Variants in PAWR observed in about 807,000 individuals in gnomAD.
PAWR encodes the protein PRKC apoptosis WT1 regulator protein.
PAWR carries 23 observed loss-of-function variants against 32.0 expected under a neutral mutation model. That is an observed-to-expected ratio of 0.72 (90% confidence interval 0.52 to 1.02). The LOEUF is 1.02. Among genes scored for constraint, PAWR ranks in the 50% least tolerant of loss-of-function variants. The pLI is 0.00. For missense variants in PAWR, 457 were observed against 437.7 expected, an observed-to-expected ratio of 1.04 and a Z score of -0.39; for synonymous variants, 226 against 187.1, an observed-to-expected ratio of 1.21 and a Z score of -1.70.
At chr12:79,604,254 T>A in intron 4 of PAWR, 1 of 986,202 alleles carries the variant, frequency 1.0e-6, no homozygotes, top group Non-Finnish European at 1.2e-6. Context: ...CCCTCCACTC[T>A]TAGCTACAAA....
rs1873471482 is a variant in PAWR at position 79,589,095 on chromosome 12, T to C, written c.*3512A>G. ...AGTTATTAACAATATCATGAATAGT[T>C]ATTAAGTAAGTGCCAGCACTACATG... On this transcript the variant is annotated 3_prime_UTR_variant, in exon 7 of 7. Transcript: ENST00000328827. 1 of 151,886 alleles carries C rather than the reference T, an allele frequency of 6.6e-6. No individual in the cohort carries two copies. The allele number at this position is 151,886 out of a possible 1,614,324, so 9.4% of individuals were successfully genotyped here.
intron 2 of PAWR, among the ~76,000 whole-genome samples, chr12:79,622,786 TA>T (rs1273151943): frequency 6.6e-6 from 1 of 152,158 alleles, no homozygotes; most frequent in Non-Finnish European, 1.5e-5. Flanking sequence ...TAGCTACTGT[TA>T]TTGCTGAGTC....
chr12:79,632,296 CATATATATATACATACATAT>C lies in PAWR; in HGVS notation c.517-11109_517-11090del, dbSNP rs1353664088. ...TAGAGTCCAGAAATAGAAATATATACATATATATATACATACATATATATATATATATATATATATATATA... is the reference window on the plus strand; with the variant it reads ...TAGAGTCCAGAAATAGAAATATATACATATATATATATATATATATATATA... On this transcript the variant is annotated intron_variant, in intron 2 of 6. Transcript: ENST00000328827. The C allele has an allele frequency of 6.9e-3, 253 of 36,758 alleles. 19 individuals carry two copies. Among genetic ancestry groups the C allele is most frequent in the Non-Finnish European group, 8.6e-3 (223 of 25,954 alleles). The allele number at this position is 36,758 out of a possible 1,614,324, so 2.3% of individuals were successfully genotyped here.
chr12:79,690,032 G>T lies in PAWR; in HGVS notation c.213C>A (p.Asn71Lys). 7.5e-7 allele frequency: 1 copy of T among 1,337,970 alleles called. No individual in the cohort carries two copies. Among genetic ancestry groups the T allele is most frequent in the Non-Finnish European group, 9.5e-7 (1 of 1,052,922 alleles). The allele number at this position is 1,337,970 out of a possible 1,614,324, so 82.9% of individuals were successfully genotyped here. A position where few individuals can be genotyped will look rare whatever the true frequency, so the allele number is the denominator to read the frequency against. The change falls in exon 2 of 7, where the codon AAC becomes AAA. Residue 71 changes from asparagine to lysine, a missense_variant. Physicochemically the swap from Asn to Lys is moderately conservative, Grantham distance 94 (BLOSUM62 0). Coordinates refer to ENST00000328827, the MANE Select transcript of PAWR (RefSeq NM_002583.4). ...CGGCCGGCGCGCCGCCCGGGAGGTT[G>T]TTGTTGAGCTCGTTGGCAGCGGCGG... The part of the protein sequence containing the change: ...PAAAAANELN[N>K]NLPGGAPAAP...
At chr12:79,608,433 A>T (rs1396636158) in intron 4 of PAWR, among the ~76,000 whole-genome samples, 1 of 152,144 alleles carries the variant, frequency 6.6e-6, no homozygotes, top group Admixed American at 6.5e-5. Flanking sequence ...GCGCGCTCCT[A>T]TGAGAATCTA....
At chr12:79,616,481 T>C (rs1874739210) in intron 3 of PAWR, among the ~76,000 whole-genome samples, 1 of 152,188 alleles carries the variant, frequency 6.6e-6, no homozygotes, top group African/African-American at 2.4e-5. Flanking sequence ...ATAGACTTTT[T>C]CTGTAATATG....
At chr12:79,668,486 G>C (rs1592545365) in intron 2 of PAWR, 3 of 152,234 alleles carry the variant, frequency 2.0e-5, no homozygotes, top group South Asian at 4.1e-4. Context: ...TTTGGCACCA[G>C]GGACTGGTTT....
At chr12:79,598,395 C>T (rs918371581) in intron 4 of PAWR, among the ~76,000 whole-genome samples, 2 of 152,190 alleles carry the variant, frequency 1.3e-5, no homozygotes, top group Admixed American at 1.3e-4. Flanking sequence ...GATTTTAATG[C>T]AATTTCAACA....
At chr12:79,592,844 C>T (rs531702587) in intron 6 of PAWR, 151 bp from the exon 7 acceptor site, 1 of 520,176 alleles carries the variant, frequency 1.9e-6, no homozygotes, top group African/African-American at 2.0e-5. Context: ...ATATGCCCCA[C>T]CAAAAAAGAG....
chr12:79,620,689 G>A (rs565373145), intron 3 of PAWR, among the ~76,000 whole-genome samples: 3 of 152,278 alleles, frequency 2.0e-5, no homozygotes, highest in South Asian at 4.2e-4. Context: ...GCCTGGCATG[G>A]GGTATTCTGT....
At chr12:79,604,857 G>C (rs7979987) in intron 4 of PAWR, 35,544 of 275,146 alleles carry the variant, frequency 0.13, 8,407 homozygotes, top group African/African-American at 0.6. Context: ...ATACAAATGA[G>C]TGTCATCAGT....
intron 2 of PAWR, among the ~76,000 whole-genome samples, chr12:79,667,325 A>G (rs1283454622): frequency 6.6e-6 from 1 of 152,214 alleles, no homozygotes; most frequent in Non-Finnish European, 1.5e-5. Context: ...TACCACATAT[A>G]ATGTATCCTT....
At chr12:79,682,478 T>A (rs1009540186) in intron 2 of PAWR, among the ~76,000 whole-genome samples, 1 of 152,198 alleles carries the variant, frequency 6.6e-6, no homozygotes, top group African/African-American at 2.4e-5. Flanking sequence ...TTAAAATAAA[T>A]GAGACTATCA....
rs1412325329 is a variant in PAWR, at chr12:79,588,309, C to T, written c.*4298G>A. On this transcript the variant is annotated 3_prime_UTR_variant, in exon 7 of 7. Coordinates refer to ENST00000328827, the MANE Select transcript of PAWR (RefSeq NM_002583.4). ...TCAATAATATATACAGAAATACTAA[C>T]TTGAAGTCACATTTAAATACCATCA... The T allele has an allele frequency of 1.3e-5, 2 of 151,926 alleles. No homozygotes were observed. Among genetic ancestry groups the T allele is most frequent in the East Asian group, 3.8e-4 (2 of 5,198 alleles). The allele number at this position is 151,926 out of a possible 1,614,324, so 9.4% of individuals were successfully genotyped here.
At chr12:79,631,052 A>C (rs1334363995) in intron 2 of PAWR, among the ~76,000 whole-genome samples, 1 of 152,188 alleles carries the variant, frequency 6.6e-6, no homozygotes, top group Non-Finnish European at 1.5e-5. Flanking sequence ...CATCTTTACA[A>C]AGGAGAAAAA....
At chr12:79,613,957 A>T (rs866061548) in intron 3 of PAWR, among the ~76,000 whole-genome samples, 3 of 6,606 alleles carry the variant, frequency 4.5e-4, no homozygotes, top group African/African-American at 1.9e-3. Flanking sequence ...ATATATATAT[A>T]TATATATATA....
intron 2 of PAWR, among the ~76,000 whole-genome samples, chr12:79,661,200 G>A (rs1294557229): frequency 2.1e-5 from 3 of 141,504 alleles, no homozygotes; most frequent in Non-Finnish European, 3.0e-5. Flanking sequence ...AGTGAGCTAC[G>A]ATAGCGCCAT....
chr12:79,607,748 AT>A (rs1208671662), intron 4 of PAWR, among the ~76,000 whole-genome samples: 20 of 147,752 alleles, frequency 1.4e-4, no homozygotes, highest in Non-Finnish European at 2.9e-4. Context: ...AAAAAAAATA[AT>A]AATAATAATA....
chr12:79,594,391 G>A lies in PAWR; in HGVS notation c.874C>T (p.Leu292=), dbSNP rs1231829439. The change falls in exon 6 of 7, where the codon CTG becomes TTG. Residue 292 remains leucine, a synonymous_variant. Transcript: ENST00000328827. ...ATCATTTCCTCTTTATCTTGCATCA[G>A]TCTCACAAGTCTTAGGTTTTCTTGT... ...ERQENLRLVR[L]MQDKEEMIGK... The A allele has an allele frequency of 7.0e-6, 11 of 1,566,184 alleles. No individual in the cohort carries two copies. The highest frequency in any genetic ancestry group is 7.9e-6 in the Non-Finnish European group (9 of 1,145,194).
Sources: allele counts gnomAD v4.1 joint callset (sites outside exome capture counted in the v4.1 genomes callset), GRCh38; gene constraint gnomAD v4.1.1; transcripts MANE v1.5; gene names NCBI Gene and HGNC (gene_info 2026-07-23, HGNC 2026-07-21).